ST7: variants seen among roughly 807,000 people sequenced by gnomAD.
ST7 encodes suppressor of tumorigenicity 7 protein.
In ST7, 28 loss-of-function variants were observed where a neutral mutation model predicts 78.7. The observed-to-expected ratio is 0.36, with a 90% confidence interval of 0.26 to 0.49. The LOEUF (loss-of-function observed/expected upper bound fraction) is 0.49, where lower values mean the gene tolerates loss of function less well. ST7 is among the 20% of genes least tolerant of loss of function. The pLI is 0.99. For missense variants in ST7, 418 were observed against 696.0 expected, an observed-to-expected ratio of 0.60 and a Z score of 4.49; for synonymous variants, 247 against 249.6, an observed-to-expected ratio of 0.99 and a Z score of 0.10.
intron 2 of ST7, among the ~76,000 whole-genome samples, chr7:117,100,442 CCAGCCTGGGTGA>C (rs1275055413): frequency 6.6e-6 from 1 of 152,106 alleles, no homozygotes; most frequent in Non-Finnish European, 1.5e-5. Flanking sequence ...CCATTGCACT[CCAGCCTGGGTGA>C]CAGAGCAAGA....
chr7:116,958,162 A>ATTTTTTTTT (rs34132237), intron 1 of ST7, among the ~76,000 whole-genome samples: 1 of 95,614 alleles, frequency 1.0e-5, no homozygotes, highest in Non-Finnish European at 1.9e-5. Flanking sequence ...TGCGTGGCTA[A>ATTTTTTTTT]TTTTTTTTTT....
chr7:116,993,329 A>G (rs887336957), intron 1 of ST7, among the ~76,000 whole-genome samples: 1 of 152,168 alleles, frequency 6.6e-6, no homozygotes, highest in Non-Finnish European at 1.5e-5. Context: ...TCATGGCAGG[A>G]GGCAAAAGGC....
chr7:117,032,032 C>T (rs1310051045), intron 1 of ST7, among the ~76,000 whole-genome samples: 2 of 151,562 alleles, frequency 1.3e-5, no homozygotes, highest in Non-Finnish European at 2.9e-5. Context: ...CAGGCAAATG[C>T]CACCACGTGT....
chr7:117,059,205 G>GC (rs1190095384), intron 1 of ST7, among the ~76,000 whole-genome samples: 3 of 152,154 alleles, frequency 2.0e-5, no homozygotes, highest in African/African-American at 7.2e-5. Context: ...TGGATTGTTT[G>GC]TAACACAAAG....
intron 10 of ST7, among the ~76,000 whole-genome samples, chr7:117,181,692 A>G (rs38874): frequency 0.27 from 41,434 of 152,098 alleles, 6,793 homozygotes; most frequent in African/African-American, 0.47. Flanking sequence ...TCCTGGAAAT[A>G]ATTATGTGGT....
At chr7:117,085,164 AAT>A (rs1334454205) in intron 1 of ST7, among the ~76,000 whole-genome samples, 1 of 152,248 alleles carries the variant, frequency 6.6e-6, no homozygotes, top group Admixed American at 6.5e-5. Context: ...TGTGTTTCAT[AAT>A]ACACTGAGGT....
chr7:117,050,801 A>C (rs772039570), intron 1 of ST7, among the ~76,000 whole-genome samples: 5 of 151,910 alleles, frequency 3.3e-5, no homozygotes, highest in Non-Finnish European at 5.9e-5. Flanking sequence ...GTGATGGCGC[A>C]CGCCTGTAGT....
chr7:116,961,415 C>T (rs1792814757), intron 1 of ST7, among the ~76,000 whole-genome samples: 1 of 152,154 alleles, frequency 6.6e-6, no homozygotes, highest in Non-Finnish European at 1.5e-5. Context: ...GCAGTATGGG[C>T]ATTTTAATGA....
chr7:117,158,267 A>G (rs1010232596), intron 9 of ST7, among the ~76,000 whole-genome samples: 4 of 152,222 alleles, frequency 2.6e-5, no homozygotes, highest in Non-Finnish European at 5.9e-5. Context: ...CAAACGGAAA[A>G]GGAAGTTTTA....
chr7:117,164,490 A>G (rs971305513), intron 9 of ST7, among the ~76,000 whole-genome samples: 1 of 152,184 alleles, frequency 6.6e-6, no homozygotes, highest in African/African-American at 2.4e-5. Context: ...AGAAGATGCC[A>G]TATGAGCTAA....
intron 15 of ST7, among the ~76,000 whole-genome samples, chr7:117,226,984 G>A (rs1043298225): frequency 6.6e-6 from 1 of 152,220 alleles, no homozygotes; most frequent in Non-Finnish European, 1.5e-5. Context: ...TGCAGCATGG[G>A]GAAAAGGGAG....
At chr7:117,019,637 A>T (rs1213838177) in intron 1 of ST7, among the ~76,000 whole-genome samples, 1 of 152,270 alleles carries the variant, frequency 6.6e-6, no homozygotes, top group Non-Finnish European at 1.5e-5. Flanking sequence ...GTTGCAAAAT[A>T]GCTAGTAATG....
chr7:117,229,101 A>G (rs1793620812), intron 15 of ST7, among the ~76,000 whole-genome samples: 1 of 152,224 alleles, frequency 6.6e-6, no homozygotes, highest in Non-Finnish European at 1.5e-5. Context: ...TTTATTCTCT[A>G]CATGAAAAGC....
rs368043273 is a variant in ST7 at position 117,229,880 on chromosome 7, C to T, written c.*23C>T. ...TGAGAGAAGCCCTGTCCTCCACTCA[C>T]CTCACCCGCCGCTGCCACCATCTCC... is the stretch of plus-strand genomic sequence containing the variant. On this transcript the variant is annotated 3_prime_UTR_variant, in exon 16 of 16. Coordinates refer to ENST00000323984, the MANE Select transcript of ST7 (RefSeq NM_001369598.1). The T allele has an allele frequency of 5.7e-6, 9 of 1,577,412 alleles. No homozygotes were observed. The highest frequency in any genetic ancestry group is 7.8e-6 in the Non-Finnish European group (9 of 1,150,610).
chr7:117,212,868 C>G lies in ST7; in HGVS notation c.1405+2931C>G, dbSNP rs544539213. On this transcript the variant is annotated intron_variant, in intron 13 of 15. Coordinates refer to ENST00000323984, the MANE Select transcript of ST7 (RefSeq NM_001369598.1). ...TCATGCAATTTAGAAGAAAGAATTA[C>G]CCCTCCAAACCCAGACAATCTTATC... 2.6e-5 allele frequency among the ~76,000 whole-genome samples: 4 copies of G among 152,184 alleles called. No homozygotes were observed. The South Asian group carries it at 8.3e-4, about 32-fold the overall frequency.
At chr7:117,099,076 A>T (rs1223995809) in intron 1 of ST7, among the ~76,000 whole-genome samples, 4 of 148,862 alleles carry the variant, frequency 2.7e-5, no homozygotes, top group African/African-American at 4.9e-5. Flanking sequence ...CAAAAAAAAA[A>T]GAAGAAGAAG....
chr7:117,043,893 T>G (rs1797357708), intron 1 of ST7, among the ~76,000 whole-genome samples: 1 of 152,348 alleles, frequency 6.6e-6, no homozygotes, highest in South Asian at 2.1e-4. Flanking sequence ...AAGATGAAGA[T>G]AATGATCTGT....
intron 12 of ST7, among the ~76,000 whole-genome samples, chr7:117,193,150 T>TACACACACACACAC (rs137866535): frequency 0.05 from 7,300 of 144,836 alleles, 327 homozygotes; most frequent in African/African-American, 0.12. Context: ...CTTTAGCAGA[T>TACACACACACACAC]ACACACACAC....
intron 13 of ST7, among the ~76,000 whole-genome samples, chr7:117,215,891 T>C (rs973226711): frequency 2.0e-5 from 3 of 152,154 alleles, no homozygotes; most frequent in African/African-American, 7.2e-5. Flanking sequence ...AGAGCTGGGA[T>C]TCAAACTCGG....
Sources: allele counts gnomAD v4.1 joint callset (sites outside exome capture counted in the v4.1 genomes callset), GRCh38; gene constraint gnomAD v4.1.1; transcripts MANE v1.5; gene names NCBI Gene and HGNC (gene_info 2026-07-23, HGNC 2026-07-21).